ZNF407: variants seen among roughly 807,000 people sequenced by gnomAD.
The protein encoded by ZNF407 is zinc finger protein 407.
A neutral mutation model predicts 131.2 loss-of-function variants in ZNF407; 17 were observed. The ratio of observed to expected loss-of-function variants is 0.13; its 90% CI spans 0.09 to 0.19. ZNF407 has a LOEUF of 0.19. Ranked by LOEUF, ZNF407 falls within the 10% of genes least tolerant of loss-of-function variation. The pLI, the probability that ZNF407 is intolerant of heterozygous loss-of-function variation, is 1.00. For missense variants in ZNF407, 2,681 were observed against 2,830.6 expected, an observed-to-expected ratio of 0.95 and a Z score of 1.20; for synonymous variants, 1,156 against 1,062.0, an observed-to-expected ratio of 1.09 and a Z score of -1.72.
chr18:74,687,285 A>T (rs1311712300), intron 3 of ZNF407, among the ~76,000 whole-genome samples: 1 of 152,152 alleles, frequency 6.6e-6, no homozygotes, highest in African/African-American at 2.4e-5. Flanking sequence ...TATTTCGAGG[A>T]TACAGTGAGC....
At chr18:74,977,272 C>G (rs1972538844) in intron 8 of ZNF407, among the ~76,000 whole-genome samples, 1 of 152,180 alleles carries the variant, frequency 6.6e-6, no homozygotes, top group Admixed American at 6.5e-5. Context: ...CAATGCCTTC[C>G]TCTTACCTCA....
At chr18:74,818,464 A>G (rs930750334) in intron 4 of ZNF407, among the ~76,000 whole-genome samples, 1 of 152,236 alleles carries the variant, frequency 6.6e-6, no homozygotes, top group Non-Finnish European at 1.5e-5. Context: ...TACACATGCA[A>G]TATGTGTTTA....
intron 1 of ZNF407, among the ~76,000 whole-genome samples, chr18:74,621,393 G>A (rs1983502686): frequency 2.0e-5 from 3 of 152,080 alleles, no homozygotes; most frequent in South Asian, 2.1e-4. Context: ...TTCTGGCTCC[G>A]GGTCTGTCCT....
rs193273567 is a variant in ZNF407, at chr18:74,608,307, T to C, written c.-54+10370T>C. Among the ~76,000 whole-genome samples the C allele has an allele frequency of 2.6e-5, 4 of 152,242 alleles. No individual in the cohort carries two copies. In the East Asian group the frequency reaches 5.8e-4, roughly 22 times the overall value. ...ACCCAGTATCCCACATTGTATTTTG[T>C]TATGTCTCCTTGGTCTCTCCAGTCT... On this transcript the variant is annotated intron_variant, in intron 1 of 8. Coordinates refer to ENST00000299687, the MANE Select transcript of ZNF407 (RefSeq NM_017757.3).
intron 8 of ZNF407, among the ~76,000 whole-genome samples, chr18:74,941,095 C>A (rs2959157): frequency 0.035 from 5,281 of 152,254 alleles, 330 homozygotes; most frequent in African/African-American, 0.12. Context: ...CCTTGCCCTG[C>A]TGCCATCCCT....
chr18:74,897,418 C>T (rs538409308), intron 7 of ZNF407, among the ~76,000 whole-genome samples: 2 of 152,280 alleles, frequency 1.3e-5, no homozygotes, highest in East Asian at 3.9e-4. Context: ...ACCATGCATT[C>T]CGTCTGCTAT....
chr18:74,831,919 C>T (rs1375074001), intron 4 of ZNF407, among the ~76,000 whole-genome samples: 1 of 152,216 alleles, frequency 6.6e-6, no homozygotes, highest in Non-Finnish European at 1.5e-5. Context: ...GTTACTTTGC[C>T]ACCTGCCCTG....
intron 4 of ZNF407, among the ~76,000 whole-genome samples, chr18:74,848,455 TG>T (rs901082336): frequency 2.6e-5 from 4 of 152,208 alleles, no homozygotes; most frequent in African/African-American, 9.6e-5. Flanking sequence ...TATGTCTACA[TG>T]GGCATGTGGG....
chr18:74,665,218 T>C (rs1172189832), intron 3 of ZNF407, among the ~76,000 whole-genome samples: 2 of 152,266 alleles, frequency 1.3e-5, no homozygotes, highest in African/African-American at 2.4e-5. Context: ...TGTACATTTA[T>C]TTCTAGCTCC....
At chr18:75,014,067 A>G (rs1973015170) in intron 8 of ZNF407, among the ~76,000 whole-genome samples, 1 of 152,102 alleles carries the variant, frequency 6.6e-6, no homozygotes, top group African/African-American at 2.4e-5. Flanking sequence ...TGAATTGGGC[A>G]GTTTGGGGTA....
At chr18:74,881,940 T>C (rs1971244504) in intron 6 of ZNF407, among the ~76,000 whole-genome samples, 1 of 152,196 alleles carries the variant, frequency 6.6e-6, no homozygotes, top group Non-Finnish European at 1.5e-5. Flanking sequence ...ACATCTTACA[T>C]GGCGACAGAC....
chr18:75,024,634 T>C (rs115519123), intron 8 of ZNF407, among the ~76,000 whole-genome samples: 2 of 152,230 alleles, frequency 1.3e-5, no homozygotes, highest in Admixed American at 6.5e-5. Context: ...TTTAAAGGAA[T>C]TATCTTGAAT....
intron 3 of ZNF407, among the ~76,000 whole-genome samples, chr18:74,713,811 A>G (rs1032049357): frequency 6.6e-6 from 1 of 152,150 alleles, no homozygotes; most frequent in African/African-American, 2.4e-5. Context: ...TTAAATTCAG[A>G]ACTCTGTAGG....
intron 2 of ZNF407, among the ~76,000 whole-genome samples, chr18:74,639,368 T>G (rs1438261884): frequency 6.6e-6 from 1 of 152,236 alleles, no homozygotes; most frequent in African/African-American, 2.4e-5. Flanking sequence ...AATAATGTCC[T>G]AATTACCCTA....
intron 6 of ZNF407, among the ~76,000 whole-genome samples, chr18:74,885,237 C>A (rs1971291928): frequency 6.6e-6 from 1 of 152,004 alleles, no homozygotes; most frequent in Non-Finnish European, 1.5e-5. Context: ...AGAAATAGAC[C>A]TGTGCATCTG....
rs191767705 is a variant in ZNF407 at position 74,632,540 on chromosome 18, T to G, written c.1521T>G (p.Arg507=). Residue 507 remains arginine (R), a synonymous_variant, in exon 2 of 9, where the codon CGT becomes CGG. Transcript: ENST00000299687. ...CAGAGCAGGGCCAGGGGAGTGCCCG[T>G]CCTCCGGACTCCGGGCTGCATTCCC... ...QEAEQGQGSA[R]PPDSGLHSLT... 6.9e-4 allele frequency: 1,106 copies of G among 1,613,978 alleles called. 5 individuals carry two copies. The African/African-American group carries it at 0.013, about 19-fold the overall frequency.
At chr18:74,909,030 C>T (rs149448287) in intron 7 of ZNF407, among the ~76,000 whole-genome samples, 1 of 126,480 alleles carries the variant, frequency 7.9e-6, no homozygotes, top group Non-Finnish European at 1.7e-5. Flanking sequence ...CAGTAGAAAC[C>T]CCCTTTCAAC....
rs552799206 is a variant in ZNF407 at position 74,888,776 on chromosome 18, G to A, written c.5129-1142G>A. On this transcript the variant is annotated intron_variant, in intron 6 of 8. Transcript: ENST00000299687. ...TGATTCTTTGAATGTGTGTGGGGTG[G>A]GTAGGAATGATTTAAAGGAGAGGGA... Among the ~76,000 whole-genome samples, 3 of 152,234 alleles carry A rather than the reference G, an allele frequency of 2.0e-5. No homozygotes were observed. The East Asian group carries it at 5.8e-4, about 29-fold the overall frequency.
At chr18:74,734,318 T>C (rs892619143) in intron 3 of ZNF407, among the ~76,000 whole-genome samples, 5 of 152,210 alleles carry the variant, frequency 3.3e-5, no homozygotes, top group Non-Finnish European at 7.3e-5. Flanking sequence ...GTGTAAGCAC[T>C]TGAAAAGGTA....
Sources: allele counts gnomAD v4.1 joint callset (sites outside exome capture counted in the v4.1 genomes callset), GRCh38; gene constraint gnomAD v4.1.1; transcripts MANE v1.5; gene names NCBI Gene and HGNC (gene_info 2026-07-23, HGNC 2026-07-21).